HHAT: variants seen among roughly 807,000 people sequenced by gnomAD.
HHAT encodes the protein hedgehog acyltransferase.
HHAT carries 47 observed loss-of-function variants against 70.8 expected under a neutral mutation model. The ratio of observed to expected loss-of-function variants is 0.66; its 90% CI spans 0.53 to 0.85. The LOEUF (loss-of-function observed/expected upper bound fraction) is 0.85, where lower values mean the gene tolerates loss of function less well. HHAT is among the 40% of genes least tolerant of loss of function. The probability of loss-of-function intolerance (pLI) is 0.00; values close to 1 mark genes in which losing one functional copy is unlikely to be tolerated. For missense variants in HHAT, 609 were observed against 604.8 expected, an observed-to-expected ratio of 1.01 and a Z score of -0.07; for synonymous variants, 228 against 247.6, an observed-to-expected ratio of 0.92 and a Z score of 0.74.
intron 8 of HHAT, among the ~76,000 whole-genome samples, chr1:210,488,603 TA>T (rs1423598336): frequency 1.3e-5 from 2 of 152,072 alleles, no homozygotes; most frequent in African/African-American, 2.4e-5. Context: ...AAATAAGAGG[TA>T]AAACATGGCC....
intron 7 of HHAT, among the ~76,000 whole-genome samples, chr1:210,436,346 A>G (rs1237471884): frequency 6.6e-6 from 1 of 151,298 alleles, no homozygotes; most frequent in East Asian, 1.9e-4. Context: ...TGCCAGTACC[A>G]TGATTGATTT....
chr1:210,340,827 A>G lies in HHAT; in HGVS notation c.-43-8106A>G, dbSNP rs553501660. 8.3e-4 allele frequency among the ~76,000 whole-genome samples: 126 copies of G among 152,288 alleles called. 2 individuals are homozygous for G. The highest frequency in any genetic ancestry group is 3.1e-3 in the South Asian group (15 of 4,828). ...GATTTCATTATAGATTTTGGAAAAA[A>G]TGAGTCCAGTACACTCTGTAAGAAT... On this transcript the variant is annotated intron_variant, in intron 1 of 11. Coordinates refer to ENST00000261458, the MANE Select transcript of HHAT (RefSeq NM_018194.6).
chr1:210,410,882 A>G (rs1049041063), intron 6 of HHAT, among the ~76,000 whole-genome samples: 2 of 152,222 alleles, frequency 1.3e-5, no homozygotes, highest in African/African-American at 4.8e-5. Flanking sequence ...AGTCAGCACC[A>G]GAAAAGGAGT....
At chr1:210,673,762 A>ATTATTTAT (rs58146322) in intron 11 of HHAT, among the ~76,000 whole-genome samples, 62 of 92,114 alleles carry the variant, frequency 6.7e-4, no homozygotes, top group South Asian at 2.8e-3. Flanking sequence ...TGGCTTATTT[A>ATTATTTAT]TTATTTATTT....
chr1:210,554,496 T>C (rs2095555559), intron 9 of HHAT, among the ~76,000 whole-genome samples: 1 of 152,156 alleles, frequency 6.6e-6, no homozygotes, highest in African/African-American at 2.4e-5. Context: ...CACCTTTCTC[T>C]ACCCAGAGAC....
At chr1:210,643,262 A>G (rs1673331788) in intron 11 of HHAT, among the ~76,000 whole-genome samples, 1 of 152,282 alleles carries the variant, frequency 6.6e-6, no homozygotes, top group East Asian at 1.9e-4. Flanking sequence ...ATACACTTAA[A>G]TTTTTTACTT....
rs567439002 is a variant in HHAT, at chr1:210,404,521, C to T, written c.526C>T (p.Arg176Cys). The stretch of plus-strand genomic sequence containing the variant: ...CCTGCTGCAGTTCACGCTGACCGTT[C>T]GCTGCCTGTACTACACCAGCTTCAG... ...YYLLQFTLTV[R>C]CLYYTSFSLE... The change falls in exon 6 of 12, where the codon CGC (arginine) becomes TGC (cysteine). Residue 176 changes from arginine to cysteine, a missense_variant. Arg to Cys is a radical substitution (Grantham distance 180). Coordinates refer to ENST00000261458, the MANE Select transcript of HHAT (RefSeq NM_018194.6). The T allele has an allele frequency of 7.0e-4, 1,128 of 1,613,586 alleles. 22 individuals carry two copies. The South Asian group carries it at 0.01, about 15-fold the overall frequency.
rs529607102 is a variant in HHAT at position 210,484,416 on chromosome 1, C to T, written c.1007+19761C>T. ...TCATCTGGAGGGACACCATGTCCAA[C>T]TCTGCCCATTAGAGATGTTAATTTT... On this transcript the variant is annotated intron_variant, in intron 8 of 11. Transcript: ENST00000261458. 9.9e-5 allele frequency among the ~76,000 whole-genome samples: 15 copies of T among 152,124 alleles called. No homozygotes were observed. The South Asian group carries it at 2.9e-3, about 29-fold the overall frequency.
chr1:210,662,094 T>G (rs963121950), intron 11 of HHAT, among the ~76,000 whole-genome samples: 2 of 152,238 alleles, frequency 1.3e-5, no homozygotes, highest in Admixed American at 1.3e-4. Context: ...TACCTAGTTT[T>G]TGGAAATCCT....
rs1020516994 is a variant in HHAT, at chr1:210,329,178, A to G, written c.-44+74A>G. 5.7e-6 allele frequency: 7 copies of G among 1,223,888 alleles called. No individual in the cohort carries two copies. In the African/African-American group the frequency reaches 1.1e-4, roughly 19 times the overall value. 75.8% of individuals were successfully genotyped at this position (1,223,888 alleles called of 1,614,324 possible). A position where few individuals can be genotyped will look rare whatever the true frequency, so the allele number is the denominator to read the frequency against. Reference sequence around the variant, plus strand: ...TTTTCTGCGTCAGTTTACTCTGTTAAAAAAAAAATGCACAAAACGCTTTCC... The same window carrying G: ...TTTTCTGCGTCAGTTTACTCTGTTAGAAAAAAAATGCACAAAACGCTTTCC... On this transcript the variant is annotated intron_variant, in intron 1 of 11. Transcript: ENST00000261458.
intron 6 of HHAT, among the ~76,000 whole-genome samples, chr1:210,414,792 C>T (rs969299708): frequency 2.0e-5 from 3 of 152,032 alleles, no homozygotes; most frequent in South Asian, 2.1e-4. Context: ...CCGAGGTGGG[C>T]GGATCACTGG....
intron 10 of HHAT, among the ~76,000 whole-genome samples, chr1:210,592,357 G>C (rs556765504): frequency 6.6e-6 from 1 of 152,012 alleles, no homozygotes; most frequent in South Asian, 2.1e-4. Flanking sequence ...GTGTGGATTT[G>C]TTCCTGGGTT....
chr1:210,475,809 A>C (rs1395722064), intron 8 of HHAT, among the ~76,000 whole-genome samples: 3 of 152,226 alleles, frequency 2.0e-5, no homozygotes, highest in African/African-American at 7.2e-5. Context: ...ATTTGTGAGC[A>C]GCCAGACAAC....
chr1:210,594,525 AGTT>A (rs913947642), intron 10 of HHAT, among the ~76,000 whole-genome samples: 4 of 152,100 alleles, frequency 2.6e-5, no homozygotes, highest in African/African-American at 7.2e-5. Context: ...TGTCTTTAAA[AGTT>A]GTTGTTGTTA....
intron 9 of HHAT, among the ~76,000 whole-genome samples, chr1:210,519,362 A>C (rs769416992): frequency 3.9e-5 from 6 of 152,148 alleles, no homozygotes; most frequent in African/African-American, 7.2e-5. Context: ...CTCTGGACAT[A>C]TACCCAGTAG....
intron 10 of HHAT, among the ~76,000 whole-genome samples, chr1:210,604,132 T>G (rs1013320509): frequency 2.0e-5 from 3 of 152,164 alleles, no homozygotes; most frequent in African/African-American, 7.2e-5. Context: ...TAGCCTGGAG[T>G]GCAGTGGTGC....
At chr1:210,485,746 G>A (rs1047053455) in intron 8 of HHAT, among the ~76,000 whole-genome samples, 14 of 152,060 alleles carry the variant, frequency 9.2e-5, no homozygotes, top group Non-Finnish European at 1.0e-4. Context: ...GTCAGATCTC[G>A]TGAGACTCAG....
At position 210,588,194 on chromosome 1, in the gene HHAT, T is replaced by G; in HGVS notation, c.1245+95T>G. 4 of 1,067,874 alleles carry G rather than the reference T, an allele frequency of 3.7e-6. No homozygotes were observed. In the South Asian group the frequency reaches 6.2e-5, roughly 17 times the overall value. The allele number at this position is 1,067,874 out of a possible 1,614,324, so 66.1% of individuals were successfully genotyped here. On this transcript the variant is annotated intron_variant, in intron 10 of 11. Coordinates refer to ENST00000261458, the MANE Select transcript of HHAT (RefSeq NM_018194.6). ...GCCATCAGATTCCCTGCCCCCACTA[T>G]GGGCCCTTTCTACTAGGTTGGTTCA...
intron 1 of HHAT, among the ~76,000 whole-genome samples, chr1:210,331,114 C>A (rs950911223): frequency 6.6e-6 from 1 of 152,026 alleles, no homozygotes; most frequent in African/African-American, 2.4e-5. Context: ...GTGTGAATCA[C>A]CATGCCCCAC....
Sources: allele counts gnomAD v4.1 joint callset (sites outside exome capture counted in the v4.1 genomes callset), GRCh38; gene constraint gnomAD v4.1.1; transcripts MANE v1.5; gene names NCBI Gene and HGNC (gene_info 2026-07-23, HGNC 2026-07-21).